The following KDM5A variants were observed in gnomAD, a reference collection of about 807,000 sequenced individuals.
KDM5A encodes lysine-specific demethylase 5A.
A neutral mutation model predicts 193.5 loss-of-function variants in KDM5A; 42 were observed. The ratio of observed to expected loss-of-function variants is 0.22; its 90% CI spans 0.17 to 0.28. KDM5A has a LOEUF of 0.28. KDM5A is among the 10% of genes least tolerant of loss of function. The pLI, the probability that KDM5A is intolerant of heterozygous loss-of-function variation, is 1.00. For synonymous variants in KDM5A, 796 were observed against 718.1 expected (o/e 1.11, Z -1.73); for missense variants, 1,692 against 2,055.1 (o/e 0.82, Z 3.42).
At chr12:304,708 T>C (rs1943484449) in intron 24 of KDM5A, among the ~76,000 whole-genome samples, 1 of 152,098 alleles carries the variant, frequency 6.6e-6, no homozygotes, top group Non-Finnish European at 1.5e-5. Flanking sequence ...AAAAGACTAC[T>C]CCATCCAACC....
At chr12:292,216 C>T (rs1481224931) in intron 27 of KDM5A, among the ~76,000 whole-genome samples, 4 of 152,086 alleles carry the variant, frequency 2.6e-5, no homozygotes, top group South Asian at 2.1e-4. Flanking sequence ...TAAAATAATG[C>T]ATTTATAGGT....
At chr12:315,475 G>A (rs932319290) in intron 19 of KDM5A, among the ~76,000 whole-genome samples, 1 of 152,186 alleles carries the variant, frequency 6.6e-6, no homozygotes, top group Admixed American at 6.5e-5. Flanking sequence ...TCGGAAGCCT[G>A]AGGCACGAGA....
rs1944696215 is a variant in KDM5A, at chr12:389,175, C to G, written c.-84G>C. The G allele has an allele frequency of 7.6e-7, 1 of 1,315,930 alleles. No individual in the cohort carries two copies. The highest frequency in any genetic ancestry group is 1.2e-5 in the South Asian group (1 of 85,528). The allele number at this position is 1,315,930 out of a possible 1,614,324, so 81.5% of individuals were successfully genotyped here. A position where few individuals can be genotyped will look rare whatever the true frequency, so the allele number is the denominator to read the frequency against. On this transcript the variant is annotated 5_prime_UTR_variant, in exon 1 of 28. Transcript: ENST00000399788. ...GAAGCCCACTAAGCCCGTTCAAGTC[C>G]CCTGACAGAGGCCGAAGCGCATCTT...
In KDM5A at chr12:386,662, C is replaced by G. The variant is rs569125952; in HGVS notation, c.166-688G>C. On this transcript the variant is annotated intron_variant, in intron 1 of 27. Coordinates refer to ENST00000399788, the MANE Select transcript of KDM5A (RefSeq NM_001042603.3). ...AGGAGCTTAAGACCAGCCCAGGCAACAGAGCGAGACCCTATCTCTATAAAA... is the reference window on the plus strand; with the variant it reads ...AGGAGCTTAAGACCAGCCCAGGCAAGAGAGCGAGACCCTATCTCTATAAAA... Among the ~76,000 whole-genome samples, 34 of 152,230 alleles carry G rather than the reference C, an allele frequency of 2.2e-4. No individual in the cohort carries two copies. The East Asian group carries it at 6.6e-3, about 29-fold the overall frequency.
At chr12:342,460 GT>G (rs919665418) in intron 10 of KDM5A, among the ~76,000 whole-genome samples, 10 of 150,386 alleles carry the variant, frequency 6.6e-5, no homozygotes, top group Admixed American at 2.0e-4. Flanking sequence ...AATAAAATGT[GT>G]TTTTTTTTTC....
chr12:331,722 C>T lies in KDM5A; in HGVS notation c.1773+97G>A, dbSNP rs1399931988. On this transcript the variant is annotated intron_variant, in intron 13 of 27. Coordinates refer to ENST00000399788, the MANE Select transcript of KDM5A (RefSeq NM_001042603.3). Reference sequence around the variant, plus strand: ...GTCTCCACTAAAATACTGATGAACCCGACCCTGAGCCCAGCTAAGCAAATA... The same window carrying T: ...GTCTCCACTAAAATACTGATGAACCTGACCCTGAGCCCAGCTAAGCAAATA... 14 of 1,396,828 alleles carry T rather than the reference C, an allele frequency of 1.0e-5. No homozygotes were observed. In the Admixed American group the frequency reaches 1.9e-4, roughly 19 times the overall value. 86.5% of individuals were successfully genotyped at this position (1,396,828 alleles called of 1,614,324 possible).
intron 1 of KDM5A, chr12:387,179 C>T (rs1271198517): frequency 6.5e-6 from 2 of 306,912 alleles, no homozygotes; most frequent in Non-Finnish European, 1.2e-5. Context: ...TTTGATTTGG[C>T]CTAAATAACA....
rs571425237 is a variant in KDM5A, at chr12:319,811, T to C, written c.2541+1184A>G. 2.2e-4 allele frequency among the ~76,000 whole-genome samples: 34 copies of C among 151,580 alleles called. No individual in the cohort carries two copies. The Middle Eastern group carries it at 0.01, about 46-fold the overall frequency. ...TTAAGATGCCTTTTAGTCCACCAAATGGAAATCCAGAGTATGCAGCTGGAC... is the reference window on the plus strand; with the variant it reads ...TTAAGATGCCTTTTAGTCCACCAAACGGAAATCCAGAGTATGCAGCTGGAC... On this transcript the variant is annotated intron_variant, in intron 18 of 27. Coordinates refer to ENST00000399788, the MANE Select transcript of KDM5A (RefSeq NM_001042603.3).
chr12:310,822 C>G, intron 21 of KDM5A, 63 bp downstream of exon 21: 1 of 1,515,768 alleles, frequency 6.6e-7, no homozygotes, highest in South Asian at 1.1e-5. Context: ...TGAAAATAAC[C>G]CTCACCAATA....
rs751470712 is a variant in KDM5A, at chr12:307,892, G to A, written c.3492C>T (p.Cys1164=). Residue 1164 remains cysteine (C), a synonymous_variant, in exon 23 of 28, where the codon TGC becomes TGT. Transcript: ENST00000399788. The surrounding 1 kb of genome is among the most constrained non-coding windows in gnomAD (Gnocchi z 4.3). ...ACCCACTGGCTGTCTTGCGGCAAATGCAAAATTTTACTTCTTCTATGCGGT... is the reference window on the plus strand; with the variant it reads ...ACCCACTGGCTGTCTTGCGGCAAATACAAAATTTTACTTCTTCTATGCGGT... ...MVDRIEEVKF[C]ICRKTASGFM... is the part of the protein sequence containing the mutation. The A allele has an allele frequency of 8.1e-6, 13 of 1,614,100 alleles. No individual in the cohort carries two copies. In the South Asian group the frequency reaches 1.1e-4, roughly 14 times the overall value.
chr12:383,932 AC>A (rs1944608988), intron 3 of KDM5A, 98 bp downstream of exon 3: 2 of 1,310,042 alleles, frequency 1.5e-6, no homozygotes, highest in African/African-American at 1.5e-5. Context: ...TCATTGTCAA[AC>A]AAATCCTCTA....
intron 10 of KDM5A, among the ~76,000 whole-genome samples, chr12:339,251 T>G (rs966588685): frequency 3.3e-5 from 5 of 151,370 alleles, no homozygotes; most frequent in Non-Finnish European, 5.9e-5. Flanking sequence ...TCACAGAAGC[T>G]CAACACAAAT....
intron 3 of KDM5A, among the ~76,000 whole-genome samples, chr12:376,037 A>G (rs1944499674): frequency 6.6e-6 from 1 of 152,218 alleles, no homozygotes; most frequent in Admixed American, 6.5e-5. Context: ...AGGGACCCAC[A>G]TAAGGAGGCA....
chr12:368,369 T>A (rs563875372), intron 3 of KDM5A, among the ~76,000 whole-genome samples: 3 of 152,218 alleles, frequency 2.0e-5, no homozygotes, highest in African/African-American at 4.8e-5. Context: ...TACAATTTTT[T>A]AAAAAAAGAT....
rs887436476 is a variant in KDM5A, at chr12:389,293, G to C, written c.-202C>G. ...TGCAAGGCTTTTCCACTGAGGTTCA[G>C]GACTTTTCCGGAAGTTACCGTGCTG... On this transcript the variant is annotated 5_prime_UTR_variant, in exon 1 of 28. Transcript: ENST00000399788. 1.1e-5 allele frequency: 8 copies of C among 697,318 alleles called. No individual in the cohort carries two copies. The highest frequency in any genetic ancestry group is 2.1e-5 in the Non-Finnish European group (8 of 384,570). The allele number at this position is 697,318 out of a possible 1,614,324, so 43.2% of individuals were successfully genotyped here. A position where few individuals can be genotyped will look rare whatever the true frequency, so the allele number is the denominator to read the frequency against.
In KDM5A at chr12:354,169, A is replaced by G. The variant is rs778185887; in HGVS notation, c.936T>C (p.Asp312=). ...GNNEDKLLLC[D]GCDDSYHTFC... Reference sequence around the variant, plus strand: ...ATGTATGATAGCTGTCATCACATCCATCACACAAAAGCAATTTATCTTCAT... The same window carrying G: ...ATGTATGATAGCTGTCATCACATCCGTCACACAAAAGCAATTTATCTTCAT... Residue 312 remains aspartate, a synonymous_variant, in exon 8 of 28, where the codon GAT becomes GAC. Coordinates refer to ENST00000399788, the MANE Select transcript of KDM5A (RefSeq NM_001042603.3). 4 of 1,612,368 alleles carry G rather than the reference A, an allele frequency of 2.5e-6. No homozygotes were observed. Among genetic ancestry groups the G allele is most frequent in the Non-Finnish European group, 3.4e-6 (4 of 1,178,460 alleles).
chr12:289,768 G>C (rs1048172948), intron 27 of KDM5A, among the ~76,000 whole-genome samples: 1 of 150,870 alleles, frequency 6.6e-6, no homozygotes, highest in Non-Finnish European at 1.5e-5. Context: ...AAAAGTCCCA[G>C]TAATTATTAG....
intron 3 of KDM5A, among the ~76,000 whole-genome samples, chr12:372,188 G>A (rs1944436925): frequency 1.3e-5 from 2 of 152,148 alleles, no homozygotes; most frequent in African/African-American, 4.8e-5. Flanking sequence ...ACTACCTTGG[G>A]CAGTATGGCC....
At chr12:308,100 T>A (rs945669476) in intron 22 of KDM5A, 95 bp from the exon 23 acceptor site, 13 of 1,392,818 alleles carry the variant, frequency 9.3e-6, no homozygotes, top group Non-Finnish European at 1.3e-5. Flanking sequence ...TCCCAAGTTA[T>A]CAGTTATAAA....
Sources: allele counts gnomAD v4.1 joint callset (sites outside exome capture counted in the v4.1 genomes callset), GRCh38; gene constraint gnomAD v4.1.1; non-coding constraint Gnocchi (gnomAD v3.1); transcripts MANE v1.5; gene names NCBI Gene and HGNC (gene_info 2026-07-23, HGNC 2026-07-21).